LYPLAL1: variants seen among roughly 807,000 people sequenced by gnomAD.
LYPLAL1 encodes the protein lysophospholipase-like protein 1.
A neutral mutation model predicts 19.7 loss-of-function variants in LYPLAL1; 23 were observed. The ratio of observed to expected loss-of-function variants is 1.17; its 90% CI spans 0.84 to 1.65. The LOEUF (loss-of-function observed/expected upper bound fraction) is 1.65. Among genes scored for constraint, LYPLAL1 ranks in the 40% most tolerant of loss-of-function variants. LYPLAL1 has a pLI of 0.00. For synonymous variants in LYPLAL1, 119 were observed against 96.3 expected (o/e 1.24, Z -1.38); for missense variants, 355 against 279.4 (o/e 1.27, Z -1.93).
chr1:219,201,827 A>G (rs184467928), intron 3 of LYPLAL1, among the ~76,000 whole-genome samples: 1 of 152,306 alleles, frequency 6.6e-6, no homozygotes, highest in East Asian at 1.9e-4. Context: ...TACTGTGACA[A>G]AACATTAGTG....
the LYPLAL1 span, among the ~76,000 whole-genome samples, chr1:219,306,785 GATAC>G: frequency 0.011 from 1,671 of 146,484 alleles, 45 homozygotes; most frequent in East Asian, 0.038. Flanking sequence ...TAGATAGATA[GATAC>G]ATAGACAGAT....
At chr1:219,438,114 A>T in the LYPLAL1 span, among the ~76,000 whole-genome samples, 1 of 152,170 alleles carries the variant, frequency 6.6e-6, no homozygotes, top group African/African-American at 2.4e-5. Context: ...CCCCTCTTAT[A>T]GCAAGAGGCA....
At chr1:219,382,391 G>T in the LYPLAL1 span, among the ~76,000 whole-genome samples, 12 of 151,984 alleles carry the variant, frequency 7.9e-5, no homozygotes, top group African/African-American at 2.4e-4. Context: ...ATAGGGTCTT[G>T]CTCTGTCACC....
the LYPLAL1 span, among the ~76,000 whole-genome samples, chr1:219,321,675 C>A: frequency 1.3e-5 from 2 of 152,124 alleles, no homozygotes; most frequent in African/African-American, 4.8e-5. Flanking sequence ...TGGTCAGTGG[C>A]ACCATCAAAA....
chr1:219,179,337 A>C (rs1423218746), intron 2 of LYPLAL1, 91 bp downstream of exon 2: 2 of 900,238 alleles, frequency 2.2e-6, no homozygotes, highest in South Asian at 3.1e-5. Flanking sequence ...TTTAAGCTTA[A>C]TTTTGTATTT....
the LYPLAL1 span, among the ~76,000 whole-genome samples, chr1:219,344,177 T>G: frequency 6.6e-6 from 1 of 152,124 alleles, no homozygotes; most frequent in South Asian, 2.1e-4. Context: ...TATTCATTGG[T>G]AAACTCACTG....
At chr1:219,351,981 T>A in the LYPLAL1 span, among the ~76,000 whole-genome samples, 1 of 152,246 alleles carries the variant, frequency 6.6e-6, no homozygotes, top group Admixed American at 6.5e-5. Context: ...ATTCTAATTC[T>A]AGGCACAGCA....
chr1:219,406,159 G>A, the LYPLAL1 span, among the ~76,000 whole-genome samples: 1 of 152,158 alleles, frequency 6.6e-6, no homozygotes, highest in African/African-American at 2.4e-5. Context: ...TTTAAAAAAG[G>A]AAATAAGTTA....
At chr1:219,394,627 C>T in the LYPLAL1 span, among the ~76,000 whole-genome samples, 4 of 152,082 alleles carry the variant, frequency 2.6e-5, no homozygotes, top group Non-Finnish European at 5.9e-5. Context: ...TATAATGTTT[C>T]TTTCTTTTAG....
the LYPLAL1 span, among the ~76,000 whole-genome samples, chr1:219,333,391 G>C: frequency 6.6e-6 from 1 of 151,908 alleles, no homozygotes; most frequent in Non-Finnish European, 1.5e-5. Context: ...CTCAGGAGTT[G>C]CACAGTAGGC....
At chr1:219,284,006 A>G in the LYPLAL1 span, among the ~76,000 whole-genome samples, 143,854 of 152,234 alleles carry the variant, frequency 0.94, 68,205 homozygotes, top group East Asian at 1. Flanking sequence ...GAGGGAGGGA[A>G]GTGATTGAAT....
chr1:219,278,931 T>C, the LYPLAL1 span, among the ~76,000 whole-genome samples: 2 of 152,116 alleles, frequency 1.3e-5, no homozygotes, highest in African/African-American at 4.8e-5. Flanking sequence ...CAAAAATGTC[T>C]CCAGACATTA....
the LYPLAL1 span, among the ~76,000 whole-genome samples, chr1:219,284,962 A>C: frequency 1.3e-5 from 2 of 152,226 alleles, no homozygotes; most frequent in African/African-American, 4.8e-5. Context: ...CAAGAGAAAA[A>C]AATGGCCCAC....
the LYPLAL1 span, among the ~76,000 whole-genome samples, chr1:219,237,434 A>C: frequency 2.0e-5 from 3 of 152,368 alleles, no homozygotes; most frequent in East Asian, 5.8e-4. Context: ...CAGTTACCAA[A>C]GATTTTGTCA....
the LYPLAL1 span, among the ~76,000 whole-genome samples, chr1:219,416,316 T>C: frequency 6.6e-6 from 1 of 152,222 alleles, no homozygotes; most frequent in East Asian, 1.9e-4. Context: ...ATGACAGTTT[T>C]GAGGAGTACT....
chr1:219,313,693 C>T, the LYPLAL1 span, among the ~76,000 whole-genome samples: 1,778 of 152,116 alleles, frequency 0.012, 32 homozygotes, highest in African/African-American at 0.041. Flanking sequence ...CACCACCACA[C>T]TCAGTTAATT....
chr1:219,361,585 C>T, the LYPLAL1 span, among the ~76,000 whole-genome samples: 11 of 152,080 alleles, frequency 7.2e-5, no homozygotes, highest in Non-Finnish European at 8.8e-5. Flanking sequence ...CTTCACACTC[C>T]ACTTAGCCAC....
At chr1:219,315,636 A>T in the LYPLAL1 span, among the ~76,000 whole-genome samples, 1 of 152,228 alleles carries the variant, frequency 6.6e-6, no homozygotes, top group African/African-American at 2.4e-5. Context: ...TTTGAAAAAT[A>T]GTTCAAGATG....
chr1:219,327,855 C>T, the LYPLAL1 span, among the ~76,000 whole-genome samples: 1 of 152,168 alleles, frequency 6.6e-6, no homozygotes, highest in Non-Finnish European at 1.5e-5. Flanking sequence ...TGCCTTTCAT[C>T]TTCCACCATG....
Sources: allele counts gnomAD v4.1 joint callset (sites outside exome capture counted in the v4.1 genomes callset), GRCh38; gene constraint gnomAD v4.1.1; transcripts MANE v1.5; gene names NCBI Gene and HGNC (gene_info 2026-07-23, HGNC 2026-07-21).